RBFOX3: variants seen among roughly 807,000 people sequenced by gnomAD.
RBFOX3 encodes RNA binding protein fox-1 homolog 3.
RBFOX3 carries 17 observed loss-of-function variants against 48.7 expected under a neutral mutation model. That is an observed-to-expected ratio of 0.35 (90% CI 0.24 to 0.52). RBFOX3 has a LOEUF of 0.52. Ranked by LOEUF, RBFOX3 falls within the 20% of genes least tolerant of loss-of-function variation. The pLI is 0.94. For synonymous variants in RBFOX3, 212 were observed against 209.5 expected, an observed-to-expected ratio of 1.01 and a Z score of -0.10; for missense variants, 382 against 497.5, an observed-to-expected ratio of 0.77 and a Z score of 2.21.
chr17:79,272,178 A>G (rs1038438032), intron 3 of RBFOX3, among the ~76,000 whole-genome samples: 8 of 152,212 alleles, frequency 5.3e-5, no homozygotes, highest in African/African-American at 1.7e-4. Flanking sequence ...CTTAGAGACC[A>G]GAAATACACA....
chr17:79,533,607 T>C (rs781935151), intron 1 of RBFOX3, among the ~76,000 whole-genome samples: 4 of 152,190 alleles, frequency 2.6e-5, no homozygotes, highest in Non-Finnish European at 4.4e-5. Flanking sequence ...GCATGAGGCA[T>C]AGATACCCCG....
At chr17:79,138,680 C>T (rs1227580136) in intron 4 of RBFOX3, among the ~76,000 whole-genome samples, 2 of 81,352 alleles carry the variant, frequency 2.5e-5, no homozygotes, top group African/African-American at 1.1e-4. Context: ...ACACCCTCAC[C>T]CATACACATG....
intron 2 of RBFOX3, among the ~76,000 whole-genome samples, chr17:79,407,046 G>T (rs566699212): frequency 5.9e-5 from 9 of 152,250 alleles, no homozygotes; most frequent in Non-Finnish European, 1.3e-4. Context: ...TTTCGCTCTT[G>T]TCGCCCAGGC....
chr17:79,531,806 C>T (rs1161420798), intron 1 of RBFOX3, among the ~76,000 whole-genome samples: 1 of 152,228 alleles, frequency 6.6e-6, no homozygotes, highest in African/African-American at 2.4e-5. Context: ...TCCTGAAAAT[C>T]TGTGTCCAGG....
the RBFOX3 span, among the ~76,000 whole-genome samples, chr17:79,623,752 ATGGGGATTGCAGTCAGCCAAGAC>A: frequency 6.7e-6 from 1 of 150,256 alleles, no homozygotes; most frequent in African/African-American, 2.5e-5. Flanking sequence ...AACCCAGGAG[ATGGGGATTGCAGTCAGCCAAGAC>A]TGCACCACTG....
chr17:79,138,412 ACACT>A (rs1448626736), intron 4 of RBFOX3, among the ~76,000 whole-genome samples: 1 of 152,054 alleles, frequency 6.6e-6, no homozygotes, highest in Non-Finnish European at 1.5e-5. Flanking sequence ...CATACTGTGA[ACACT>A]CACTCCACAC....
intron 14 of RBFOX3, among the ~76,000 whole-genome samples, chr17:79,093,154 G>T (rs1298670198): frequency 6.6e-6 from 1 of 152,100 alleles, no homozygotes; most frequent in Non-Finnish European, 1.5e-5. Flanking sequence ...GGGGTCTCTG[G>T]GTCCTCCTGG....
At chr17:79,626,752 T>C in the RBFOX3 span, among the ~76,000 whole-genome samples, 13 of 152,210 alleles carry the variant, frequency 8.5e-5, 1 homozygote, top group African/African-American at 3.1e-4. Flanking sequence ...ATTGTGAGCC[T>C]TCTTGGGCCA....
intron 1 of RBFOX3, among the ~76,000 whole-genome samples, chr17:79,572,928 G>A (rs961240055): frequency 2.8e-5 from 4 of 144,724 alleles, no homozygotes; most frequent in South Asian, 4.9e-4. Context: ...AGCATAGCCA[G>A]TAAAACACTA....
intron 2 of RBFOX3, among the ~76,000 whole-genome samples, chr17:79,417,487 C>T (rs1204095749): frequency 6.6e-6 from 1 of 152,238 alleles, no homozygotes; most frequent in African/African-American, 2.4e-5. Flanking sequence ...ACATGCCCAA[C>T]CAGGCAGGGA....
chr17:79,173,867 G>A (rs976435757), intron 4 of RBFOX3, among the ~76,000 whole-genome samples: 1 of 145,110 alleles, frequency 6.9e-6, no homozygotes. Flanking sequence ...CTCTCCCCAC[G>A]CTGAGTACAG....
intron 3 of RBFOX3, among the ~76,000 whole-genome samples, chr17:79,275,900 G>A (rs977055015): frequency 2.1e-4 from 32 of 152,326 alleles, no homozygotes; most frequent in African/African-American, 7.7e-4. Flanking sequence ...GAAAATGTAT[G>A]TTCAAACAAC....
At chr17:79,304,868 G>T (rs1438261904) in intron 3 of RBFOX3, among the ~76,000 whole-genome samples, 2 of 152,200 alleles carry the variant, frequency 1.3e-5, no homozygotes, top group Non-Finnish European at 1.5e-5. Flanking sequence ...CGGGTGCCGT[G>T]TTCTCGAGGC....
In RBFOX3 at chr17:79,418,078, G is replaced by T. The variant is rs770363100; in HGVS notation, c.-175+64376C>A. 6.6e-6 allele frequency among the ~76,000 whole-genome samples: 1 copy of T among 152,196 alleles called. No individual in the cohort carries two copies. Among genetic ancestry groups the T allele is most frequent in the Non-Finnish European group, 1.5e-5 (1 of 68,028 alleles). ...GCTGGGGAGATAGGAAGGGGGCTTC[G>T]TGTTTCCTGGGGACAGAGCTTCAGG... On this transcript the variant is annotated intron_variant, in intron 2 of 14. Coordinates refer to ENST00000693108, the MANE Select transcript of RBFOX3 (RefSeq NM_001350451.2). This position sits in a 1 kb window ranked among gnomAD's most constrained non-coding sequence, Gnocchi z 5.0.
In RBFOX3 at chr17:79,299,164, G is replaced by A. The variant is rs1247423846; in HGVS notation, c.-74+8560C>T. Among the ~76,000 whole-genome samples the A allele has an allele frequency of 1.4e-5, 2 of 139,698 alleles. No homozygotes were observed. The highest frequency in any genetic ancestry group is 3.2e-5 in the Non-Finnish European group (2 of 62,802). 91.6% of individuals were successfully genotyped at this position (139,698 alleles called of 152,430 possible). On this transcript the variant is annotated intron_variant, in intron 3 of 14. Coordinates refer to ENST00000693108, the MANE Select transcript of RBFOX3 (RefSeq NM_001350451.2). This position sits in a 1 kb window ranked among gnomAD's most constrained non-coding sequence, Gnocchi z 4.5. ...GGTATCTCGGTGCTGGCAAAACAGA[G>A]GCCAGAGAGGGTGGGATGTGAGGGC...
chr17:79,618,603 G>T, the RBFOX3 span, among the ~76,000 whole-genome samples: 5 of 152,200 alleles, frequency 3.3e-5, no homozygotes, highest in African/African-American at 1.2e-4. Context: ...GAAAGGAGAG[G>T]CGGGCTGCAT....
At position 79,242,493 on chromosome 17, in the gene RBFOX3, T is replaced by C. The variant is rs2062534123; in HGVS notation, c.-73-6688A>G. 6.6e-6 allele frequency among the ~76,000 whole-genome samples: 1 copy of C among 151,768 alleles called. No homozygotes were observed. The highest frequency in any genetic ancestry group is 6.6e-5 in the Admixed American group (1 of 15,254). ...GCAGGAGAGCCACATCTATTTAATG[T>C]GATGTTTTCCTCCTTCTTCTGAATA... On this transcript the variant is annotated intron_variant, in intron 3 of 14. Transcript: ENST00000693108. The surrounding 1 kb of genome is among the most constrained non-coding windows in gnomAD (Gnocchi z 5.8).
intron 1 of RBFOX3, among the ~76,000 whole-genome samples, chr17:79,545,890 A>C (rs1408449187): frequency 6.6e-6 from 1 of 152,214 alleles, no homozygotes; most frequent in African/African-American, 2.4e-5. Flanking sequence ...CTCATGGGGC[A>C]TGGAAGGTTC....
chr17:79,402,549 G>A (rs369249320), intron 2 of RBFOX3, among the ~76,000 whole-genome samples: 174 of 152,306 alleles, frequency 1.1e-3, no homozygotes, highest in African/African-American at 2.7e-3. Context: ...GGGGCCCCGC[G>A]GGGCGGACAC....
Sources: gnomAD v4.1 joint callset for allele counts (sites outside exome capture counted in the v4.1 genomes callset) on GRCh38, gnomAD v4.1.1 for gene constraint, Gnocchi (gnomAD v3.1) non-coding constraint, MANE v1.5 for transcripts, NCBI Gene and HGNC (gene_info 2026-07-23, HGNC 2026-07-21) for gene names.